NSUN6: variants seen among roughly 807,000 people sequenced by gnomAD.
The protein encoded by NSUN6 is NOP2/Sun RNA methyltransferase 6.
Under a neutral mutation model 58.0 loss-of-function variants are expected in NSUN6, and 64 were observed. That is an observed-to-expected ratio of 1.10 (90% CI 0.90 to 1.36). NSUN6 has a LOEUF of 1.36. Ranked by LOEUF, NSUN6 falls within the 40% of genes most tolerant of loss-of-function variation. NSUN6 has a pLI of 0.00. For missense variants in NSUN6, 701 were observed against 550.1 expected, an observed-to-expected ratio of 1.27 and a Z score of -2.74; for synonymous variants, 231 against 193.9, an observed-to-expected ratio of 1.19 and a Z score of -1.59.
chr10:18,600,442 T>C (rs999230136), intron 6 of NSUN6, among the ~76,000 whole-genome samples: 4 of 151,948 alleles, frequency 2.6e-5, no homozygotes, highest in South Asian at 2.1e-4. Flanking sequence ...CTGGGCAACA[T>C]AGTGAGACCT....
chr10:18,644,384 C>G (rs1012855887), intron 2 of NSUN6, among the ~76,000 whole-genome samples: 5 of 152,176 alleles, frequency 3.3e-5, no homozygotes, highest in Non-Finnish European at 2.9e-5. Flanking sequence ...CAACACAGTT[C>G]ATCCAGCCTA....
In NSUN6 at chr10:18,586,936, C is replaced by T. The variant is rs563072989; in HGVS notation, c.778-843G>A. On this transcript the variant is annotated intron_variant, in intron 7 of 10. Coordinates refer to ENST00000377304, the MANE Select transcript of NSUN6 (RefSeq NM_182543.5). Reference sequence around the variant, plus strand: ...GCTAGACACAGAGCACTGATTGGTGCGTTTACAATCCTCTAGCTCGACAGA... The same window carrying T: ...GCTAGACACAGAGCACTGATTGGTGTGTTTACAATCCTCTAGCTCGACAGA... Among the ~76,000 whole-genome samples the T allele has an allele frequency of 6.2e-4, 94 of 152,246 alleles. 1 individual carries two copies. The highest frequency in any genetic ancestry group is 2.2e-3 in the African/African-American group (93 of 41,540).
chr10:18,553,979 A>T (rs1241387156), intron 8 of NSUN6, among the ~76,000 whole-genome samples: 3 of 151,134 alleles, frequency 2.0e-5, no homozygotes, highest in Non-Finnish European at 4.4e-5. Context: ...TGGAATCGAC[A>T]ATGCAGAATG....
chr10:18,576,393 T>G (rs2056648399), intron 8 of NSUN6, among the ~76,000 whole-genome samples: 2 of 152,152 alleles, frequency 1.3e-5, no homozygotes, highest in Non-Finnish European at 2.9e-5. Context: ...TAGACCCCAG[T>G]GTCAACCAGG....
chr10:18,609,300 G>C (rs796873734), intron 6 of NSUN6, among the ~76,000 whole-genome samples: 14 of 152,160 alleles, frequency 9.2e-5, no homozygotes, highest in African/African-American at 2.4e-4. Context: ...AACAGAGTGA[G>C]AGCCTGTCTC....
chr10:18,612,163 T>C (rs1334985431), intron 5 of NSUN6, among the ~76,000 whole-genome samples: 1 of 152,102 alleles, frequency 6.6e-6, no homozygotes, highest in Non-Finnish European at 1.5e-5. Context: ...CTCATCCCTA[T>C]AATCTTAGCA....
At chr10:18,621,339 T>A (rs1050536918) in intron 3 of NSUN6, among the ~76,000 whole-genome samples, 2 of 152,200 alleles carry the variant, frequency 1.3e-5, no homozygotes, top group Admixed American at 6.5e-5. Flanking sequence ...TGCTTCATAT[T>A]CTTTCACTGT....
chr10:18,602,964 C>A (rs946936002), intron 6 of NSUN6, among the ~76,000 whole-genome samples: 1 of 152,116 alleles, frequency 6.6e-6, no homozygotes, highest in African/African-American at 2.4e-5. Flanking sequence ...AAATATACAA[C>A]CTCTACATAA....
upstream of NSUN6, chr10:18,652,395 G>A (rs1222530570): frequency 9.1e-6 from 9 of 983,770 alleles, no homozygotes; most frequent in Admixed American, 3.1e-4. Flanking sequence ...TATAGGAAAG[G>A]GTTTTTTATT....
chr10:18,580,587 C>T (rs528246949), intron 8 of NSUN6, among the ~76,000 whole-genome samples: 2 of 152,214 alleles, frequency 1.3e-5, no homozygotes, highest in South Asian at 4.2e-4. Flanking sequence ...AGTATTTAAC[C>T]CCTGATTACC....
chr10:18,558,847 G>A (rs994691960), intron 8 of NSUN6, among the ~76,000 whole-genome samples: 1 of 151,248 alleles, frequency 6.6e-6, no homozygotes, highest in Non-Finnish European at 1.5e-5. Context: ...AGAATGGAAT[G>A]GAGAATGCAA....
Position 18,551,936 on chromosome 10 carries a change from T to C in NSUN6, c.958A>G (p.Ile320Val), listed in dbSNP as rs752577355. ...PPFLPESFDRILLDAPCSGMG... is the reference protein window; with the variant it reads ...PPFLPESFDRVLLDAPCSGMG... The stretch of plus-strand genomic sequence containing the variant: ...CCACTACAGGGTGCATCCAGAAGAA[T>C]TCGGTCAAAGGATTCTGGTAGAAAT... The change falls in exon 9 of 11, where the codon ATT becomes GTT. Residue 320 changes from isoleucine to valine, a missense_variant. Ile to Val is a conservative substitution (Grantham distance 29, BLOSUM62 3). Coordinates refer to ENST00000377304, the MANE Select transcript of NSUN6 (RefSeq NM_182543.5). 1.7e-5 allele frequency: 27 copies of C among 1,609,234 alleles called. No individual in the cohort carries two copies. The highest frequency in any genetic ancestry group is 2.3e-5 in the Non-Finnish European group (27 of 1,176,236).
At chr10:18,602,205 G>GGCAT (rs2057870299) in intron 6 of NSUN6, among the ~76,000 whole-genome samples, 1 of 150,720 alleles carries the variant, frequency 6.6e-6, no homozygotes, top group Non-Finnish European at 1.5e-5. Flanking sequence ...TGGGATTACA[G>GGCAT]GCATGCACCA....
intron 3 of NSUN6, among the ~76,000 whole-genome samples, chr10:18,625,122 T>C (rs1269777064): frequency 6.6e-6 from 1 of 152,178 alleles, no homozygotes; most frequent in Non-Finnish European, 1.5e-5. Context: ...GTTTGGTTTC[T>C]TCCAAACTTC....
At position 18,546,739 on chromosome 10, in the gene NSUN6, G is replaced by A. The variant is rs547777603; in HGVS notation, c.1198-594C>T. Among the ~76,000 whole-genome samples the A allele has an allele frequency of 6.6e-4, 101 of 152,154 alleles. 1 individual carries two copies. In the South Asian group the frequency reaches 0.021, roughly 31 times the overall value. On this transcript the variant is annotated intron_variant, in intron 10 of 10. Coordinates refer to ENST00000377304, the MANE Select transcript of NSUN6 (RefSeq NM_182543.5). The stretch of plus-strand genomic sequence containing the variant: ...CCAAAAATACAAAAATTAGCCAGGT[G>A]TGGTGGTGCATGCCTGTAATCCCAG...
intron 7 of NSUN6, among the ~76,000 whole-genome samples, chr10:18,591,597 A>T (rs2057379324): frequency 6.6e-6 from 1 of 152,244 alleles, no homozygotes; most frequent in Non-Finnish European, 1.5e-5. Context: ...AATCCATCAC[A>T]TAAACAACCA....
Position 18,546,043 on chromosome 10 carries a change from T to G in NSUN6, c.1300A>C (p.Thr434Pro). 1 of 1,601,018 alleles carries G rather than the reference T, an allele frequency of 6.2e-7. No individual in the cohort carries two copies. Among genetic ancestry groups the G allele is most frequent in the Non-Finnish European group, 8.5e-7 (1 of 1,174,874 alleles). The part of the protein sequence containing the change: ...FDPSAVPLPD[T>P]DMDSLREARR... The stretch of plus-strand genomic sequence containing the variant: ...GCCTCTCTAAGAGAGTCCATGTCAG[T>G]GTCCGGTAATGGCACAGCCGATGGA... Residue 434 changes from threonine (T) to proline (P), a missense_variant, in exon 11 of 11, where the codon ACT (threonine) becomes CCT (proline). Thr to Pro is a conservative substitution (Grantham distance 38). Coordinates refer to ENST00000377304, the MANE Select transcript of NSUN6 (RefSeq NM_182543.5).
chr10:18,634,143 C>T (rs4472829), intron 3 of NSUN6, among the ~76,000 whole-genome samples: 1,765 of 152,192 alleles, frequency 0.012, 36 homozygotes, highest in African/African-American at 0.041. Flanking sequence ...AAGCAGAAGG[C>T]AGATTTTAAA....
At chr10:18,551,293 G>GTGTGTGTGTGTGTGTGT (rs1554848038) in intron 9 of NSUN6, among the ~76,000 whole-genome samples, 4 of 54,064 alleles carry the variant, frequency 7.4e-5, no homozygotes, top group East Asian at 9.2e-4. Flanking sequence ...TGTGTGTGTG[G>GTGTGTGTGTGTGTGTGT]TAAAATATAA....
Sources: gnomAD v4.1 joint callset for allele counts (sites outside exome capture counted in the v4.1 genomes callset) on GRCh38, gnomAD v4.1.1 for gene constraint, MANE v1.5 for transcripts, NCBI Gene and HGNC (gene_info 2026-07-23, HGNC 2026-07-21) for gene names.